The following ZNF730 variants were observed in gnomAD, a reference collection of about 807,000 sequenced individuals.
ZNF730 encodes the protein putative zinc finger protein 730.
Under a neutral mutation model 12.6 loss-of-function variants are expected in ZNF730, and 12 were observed. That is an observed-to-expected ratio of 0.95 (90% CI 0.61 to 1.54). The LOEUF is 1.54. Ranked by LOEUF, ZNF730 falls within the 40% of genes most tolerant of loss-of-function variation. ZNF730 has a pLI of 0.00. For synonymous variants in ZNF730, 194 were observed against 195.8 expected (o/e 0.99, Z 0.08); for missense variants, 643 against 583.5 (o/e 1.10, Z -1.05).
Position 23,145,290 on chromosome 19 carries a change from C to A in ZNF730, c.246C>A (p.Ala82=). ...TTTCAGTTATATGTTCTCATATTGC[C>A]CAAGACCTTTGGCCAGAGCAAGGCA... ...AKPPVICSHI[A]QDLWPEQGIK... Residue 82 remains alanine, a synonymous_variant, in exon 4 of 4, where the codon GCC becomes GCA. Coordinates refer to ENST00000597761, the MANE Select transcript of ZNF730 (RefSeq NM_001277403.2). 1 of 1,549,996 alleles carries A rather than the reference C, an allele frequency of 6.5e-7. No homozygotes were observed. The highest frequency in any genetic ancestry group is 1.2e-5 in the South Asian group (1 of 80,338).
rs532803427 is a variant in ZNF730 at position 23,139,520 on chromosome 19, G to C, written c.226+3477G>C. Among the ~76,000 whole-genome samples the C allele has an allele frequency of 7.7e-4, 117 of 151,650 alleles. 4 individuals carry two copies. In the South Asian group the frequency reaches 0.022, roughly 28 times the overall value. ...CATTATCTAGACAAACTCTTTTTTT[G>C]TTTTTATTTTTTGTTTTTTTCTGAG... On this transcript the variant is annotated intron_variant, in intron 3 of 3. Transcript: ENST00000597761.
chr19:23,144,842 G>T (rs1449243979), intron 3 of ZNF730, among the ~76,000 whole-genome samples: 1 of 151,858 alleles, frequency 6.6e-6, no homozygotes. Flanking sequence ...ATTTCTTTCA[G>T]AACTTTTTGT....
rs905920391 is a variant in ZNF730 at position 23,117,080 on chromosome 19, C to T, written c.-94C>T. 21 of 1,597,878 alleles carry T rather than the reference C, an allele frequency of 1.3e-5. No homozygotes were observed. The highest frequency in any genetic ancestry group is 1.7e-5 in the Admixed American group (1 of 59,174). ...AATTTTCGTCTGTCTGCTTTGTGTC[C>T]TCTGCACGTAGAAGCCCAGCCTGTG... is the stretch of plus-strand genomic sequence containing the variant. On this transcript the variant is annotated 5_prime_UTR_variant, in exon 1 of 4. Transcript: ENST00000597761.
chr19:23,114,444 A>G (rs551550469), upstream of ZNF730, among the ~76,000 whole-genome samples: 3 of 149,968 alleles, frequency 2.0e-5, no homozygotes, highest in Non-Finnish European at 4.4e-5. Flanking sequence ...GTAGTTGGGA[A>G]TACAGGCGCC....
In ZNF730 at chr19:23,145,594, A is replaced by C. The variant is rs1269830325; in HGVS notation, c.550A>C (p.Ile184Leu). 2 of 1,543,836 alleles carry C rather than the reference A, an allele frequency of 1.3e-6. No individual in the cohort carries two copies. The highest frequency in any genetic ancestry group is 1.7e-6 in the Non-Finnish European group (2 of 1,145,748). Residue 184 changes from isoleucine (I) to leucine (L), a missense_variant, in exon 4 of 4, where the codon ATT becomes CTT. Coordinates refer to ENST00000597761, the MANE Select transcript of ZNF730 (RefSeq NM_001277403.2). ...KCKECGKLFC[I>L]LSHLAQHKKI... ...TAAAGAATGTGGAAAATTATTTTGC[A>C]TTCTTTCACACTTAGCTCAACATAA...
intron 1 of ZNF730, among the ~76,000 whole-genome samples, chr19:23,077,394 T>C (rs539230407): frequency 1.3e-5 from 2 of 148,762 alleles, no homozygotes; most frequent in South Asian, 4.3e-4. Flanking sequence ...TTTAAAAATT[T>C]AGGTAGCTTT....
At chr19:23,130,531 C>G (rs955260436) in intron 1 of ZNF730, among the ~76,000 whole-genome samples, 6 of 152,022 alleles carry the variant, frequency 3.9e-5, no homozygotes, top group African/African-American at 1.2e-4. Context: ...CGGCCATGTT[C>G]TTTATATTGT....
chr19:23,105,229 G>T (rs979476455), intron 1 of ZNF730, among the ~76,000 whole-genome samples: 3 of 150,552 alleles, frequency 2.0e-5, no homozygotes, highest in African/African-American at 7.4e-5. Context: ...GCAATTCTCT[G>T]CCTCAGCCTC....
chr19:23,091,962 A>G (rs763950159), intron 1 of ZNF730, among the ~76,000 whole-genome samples: 28 of 152,080 alleles, frequency 1.8e-4, no homozygotes, highest in Admixed American at 6.6e-5. Context: ...TATTCTTTGG[A>G]TGTGTCCCCA....
At chr19:23,140,080 T>C (rs755645308) in intron 3 of ZNF730, among the ~76,000 whole-genome samples, 1 of 152,080 alleles carries the variant, frequency 6.6e-6, no homozygotes, top group Non-Finnish European at 1.5e-5. Flanking sequence ...TGTGTGTGTG[T>C]GTGTATGTGT....
Position 23,126,623 on chromosome 19 carries a change from C to T in ZNF730, c.4-7457C>T, listed in dbSNP as rs1386281312. 1.2e-5 allele frequency: 6 copies of T among 499,036 alleles called. No individual in the cohort carries two copies. In the Admixed American group the frequency reaches 1.3e-4, roughly 11 times the overall value. 30.9% of individuals were successfully genotyped at this position (499,036 alleles called of 1,614,324 possible). On this transcript the variant is annotated intron_variant, in intron 1 of 3. Transcript: ENST00000597761. ...AGTTTGGCAGCAACTGTAGGTTACC[C>T]TTTGCATGCTTCAGTTCTAACTCTG...
intron 1 of ZNF730, among the ~76,000 whole-genome samples, chr19:23,094,723 C>T (rs1002720238): frequency 6.6e-6 from 1 of 152,178 alleles, no homozygotes; most frequent in Non-Finnish European, 1.5e-5. Flanking sequence ...ATCCACCCAC[C>T]TCGGCCTCCC....
chr19:23,105,252 G>A (rs1306585601), intron 1 of ZNF730, among the ~76,000 whole-genome samples: 4 of 151,732 alleles, frequency 2.6e-5, no homozygotes, highest in South Asian at 2.1e-4. Flanking sequence ...GGGTAGCTGG[G>A]ATTACAGGTG....
At chr19:23,114,305 C>CTTTTTTT (rs869304180), upstream of ZNF730, among the ~76,000 whole-genome samples, 157 of 103,504 alleles carry the variant, frequency 1.5e-3, 1 homozygote, top group East Asian at 7.4e-3. Flanking sequence ...TTTTTCTTTT[C>CTTTTTTT]TTTTTTTTTT....
At chr19:23,103,666 A>G (rs927476292) in intron 1 of ZNF730, among the ~76,000 whole-genome samples, 5 of 152,174 alleles carry the variant, frequency 3.3e-5, no homozygotes, top group East Asian at 1.9e-4. Context: ...GTTTAGGTAC[A>G]TGAGATTGGC....
At position 23,084,275 on chromosome 19, in the gene ZNF730, G is replaced by A. The variant is rs180818694; in HGVS notation, c.-94+8888G>A. On this transcript the variant is annotated intron_variant, in intron 1 of 2. Coordinates refer to the ZNF730 transcript ENST00000593635. ...GCTTATTGGGCACATTGATCTATGT[G>A]TTTGTTTTTATGTGAGTACAATGCT... Among the ~76,000 whole-genome samples, 97 of 152,224 alleles carry A rather than the reference G, an allele frequency of 6.4e-4. 1 individual carries two copies. The highest frequency in any genetic ancestry group is 2.3e-3 in the African/African-American group (96 of 41,568).
Position 23,095,258 on chromosome 19 carries a change from C to T in ZNF730, c.-94+19871C>T, listed in dbSNP as rs368516297. Reference sequence around the variant, plus strand: ...TGTGAATCTTCTGCCTTGGTTCTTCCACAGGGGACATTGTGTAATATCGTT... The same window carrying T: ...TGTGAATCTTCTGCCTTGGTTCTTCTACAGGGGACATTGTGTAATATCGTT... On this transcript the variant is annotated intron_variant, in intron 1 of 2. Transcript: ENST00000593635. 41 of 397,048 alleles carry T rather than the reference C, an allele frequency of 1.0e-4. No individual in the cohort carries two copies. The East Asian group carries it at 1.2e-3, about 11-fold the overall frequency. 24.6% of individuals were successfully genotyped at this position (397,048 alleles called of 1,614,324 possible).
intron 1 of ZNF730, among the ~76,000 whole-genome samples, chr19:23,120,692 A>G (rs931513786): frequency 6.6e-6 from 1 of 152,044 alleles, no homozygotes; most frequent in Non-Finnish European, 1.5e-5. Context: ...ATGACTTTTC[A>G]TGTCTAAATC....
At chr19:23,096,275 G>A (rs977678952) in intron 1 of ZNF730, among the ~76,000 whole-genome samples, 1 of 152,114 alleles carries the variant, frequency 6.6e-6, no homozygotes, top group African/African-American at 2.4e-5. Context: ...AAAAGGGATT[G>A]TGACATACCA....
Sources: gnomAD v4.1 joint callset for allele counts (sites outside exome capture counted in the v4.1 genomes callset) on GRCh38, gnomAD v4.1.1 for gene constraint, MANE v1.5 for transcripts, NCBI Gene and HGNC (gene_info 2026-07-23, HGNC 2026-07-21) for gene names.